Variants in ZNF385D observed in about 807,000 individuals in gnomAD.
ZNF385D encodes zinc finger protein 659.
In ZNF385D, 15 loss-of-function variants were observed where a neutral mutation model predicts 35.8. That is an observed-to-expected ratio of 0.42 (90% CI 0.28 to 0.64). The LOEUF (loss-of-function observed/expected upper bound fraction) is 0.64, where lower values mean the gene tolerates loss of function less well. ZNF385D is among the 30% of genes least tolerant of loss of function. The probability of loss-of-function intolerance (pLI) is 0.23; values close to 1 mark genes in which losing one functional copy is unlikely to be tolerated. For missense variants in ZNF385D, 474 were observed against 494.6 expected (o/e 0.96, Z 0.39); for synonymous variants, 212 against 186.8 (o/e 1.13, Z -1.10).
At chr3:22,249,770 C>T (rs1249516619) in intron 2 of ZNF385D, among the ~76,000 whole-genome samples, 3 of 152,150 alleles carry the variant, frequency 2.0e-5, no homozygotes, top group Non-Finnish European at 2.9e-5. Flanking sequence ...CAACTTCTAA[C>T]TGTTGAAAGC....
intron 1 of ZNF385D, among the ~76,000 whole-genome samples, chr3:21,673,521 T>C (rs1170404799): frequency 1.3e-5 from 2 of 152,082 alleles, no homozygotes; most frequent in African/African-American, 2.4e-5. Flanking sequence ...ACTTTTCAGA[T>C]TGAGGAGAAG....
At chr3:21,586,602 A>AGTT (rs2063817933) in intron 2 of ZNF385D, among the ~76,000 whole-genome samples, 1 of 152,144 alleles carries the variant, frequency 6.6e-6, no homozygotes, top group Non-Finnish European at 1.5e-5. Context: ...AGTTTGATAA[A>AGTT]GTTGTAAGGA....
In ZNF385D at chr3:21,988,491, G is replaced by A. The variant is rs918905098; in HGVS notation, c.325+180326C>T. 1.2e-4 allele frequency among the ~76,000 whole-genome samples: 17 copies of A among 141,938 alleles called. No homozygotes were observed. The South Asian group carries it at 1.6e-3, about 13-fold the overall frequency. The allele number at this position is 141,938 out of a possible 152,430, so 93.1% of individuals were successfully genotyped here. A position where few individuals can be genotyped will look rare whatever the true frequency, so the allele number is the denominator to read the frequency against. On this transcript the variant is annotated intron_variant, in intron 3 of 5. Transcript: ENST00000494108. The stretch of plus-strand genomic sequence containing the variant: ...CCAGTTAGGCTGCTCGGGGGTCAGG[G>A]GTCAGGGACCCACTTGAGGAGGCAG...
chr3:22,120,167 A>G (rs1270095418), intron 3 of ZNF385D, among the ~76,000 whole-genome samples: 2 of 151,914 alleles, frequency 1.3e-5, no homozygotes, highest in Non-Finnish European at 2.9e-5. Context: ...ATGAAGGTAG[A>G]GTGCCTTAGT....
intron 1 of ZNF385D, among the ~76,000 whole-genome samples, chr3:21,665,755 C>A (rs1282912704): frequency 1.3e-5 from 2 of 152,114 alleles, no homozygotes; most frequent in African/African-American, 4.8e-5. Flanking sequence ...AGTAGCCAGC[C>A]TTTTGCAAGA....
intron 4 of ZNF385D, among the ~76,000 whole-genome samples, chr3:21,446,356 C>A (rs1053714090): frequency 6.6e-6 from 1 of 151,994 alleles, no homozygotes; most frequent in Non-Finnish European, 1.5e-5. Context: ...GGAGTTCCTG[C>A]GACATGGGAC....
chr3:21,946,027 T>C (rs1335964391), intron 3 of ZNF385D, among the ~76,000 whole-genome samples: 2 of 152,196 alleles, frequency 1.3e-5, no homozygotes, highest in Admixed American at 1.3e-4. Flanking sequence ...AGTGTGCATA[T>C]TCACATGGCA....
At chr3:21,748,756 A>G (rs2069906849) in intron 1 of ZNF385D, among the ~76,000 whole-genome samples, 1 of 152,196 alleles carries the variant, frequency 6.6e-6, no homozygotes, top group Non-Finnish European at 1.5e-5. Context: ...AATTTTGAAC[A>G]CGCACACACA....
At chr3:22,117,665 G>A (rs978974359) in intron 3 of ZNF385D, among the ~76,000 whole-genome samples, 5 of 151,276 alleles carry the variant, frequency 3.3e-5, no homozygotes, top group Admixed American at 2.0e-4. Context: ...TAAACTTAAT[G>A]GTTACAAATT....
intron 2 of ZNF385D, among the ~76,000 whole-genome samples, chr3:22,213,073 C>T (rs1344768907): frequency 6.6e-6 from 1 of 151,930 alleles, no homozygotes; most frequent in Non-Finnish European, 1.5e-5. Flanking sequence ...AAGTCACATT[C>T]AGTTTATAAA....
intron 3 of ZNF385D, among the ~76,000 whole-genome samples, chr3:22,098,521 C>G (rs1232809724): frequency 2.0e-5 from 3 of 152,036 alleles, no homozygotes; most frequent in Non-Finnish European, 2.9e-5. Context: ...CTTAACTACT[C>G]TCTAGCTGTC....
At chr3:22,211,588 C>A (rs1256068082) in intron 2 of ZNF385D, among the ~76,000 whole-genome samples, 1 of 151,944 alleles carries the variant, frequency 6.6e-6, no homozygotes, top group African/African-American at 2.4e-5. Context: ...ATGTGTTCTT[C>A]CTGTATGTGT....
chr3:21,937,666 T>C (rs1701325324), intron 3 of ZNF385D, among the ~76,000 whole-genome samples: 1 of 150,862 alleles, frequency 6.6e-6, no homozygotes, highest in Admixed American at 6.6e-5. Context: ...TGACGTTATT[T>C]TCATGAAATT....
At chr3:22,104,865 G>C (rs568306439) in intron 3 of ZNF385D, among the ~76,000 whole-genome samples, 1 of 152,130 alleles carries the variant, frequency 6.6e-6, no homozygotes, top group Non-Finnish European at 1.5e-5. Flanking sequence ...ACTAAAAGCA[G>C]ATTTTCTCCA....
chr3:21,743,590 C>A (rs1352935249), intron 1 of ZNF385D, among the ~76,000 whole-genome samples: 1 of 152,196 alleles, frequency 6.6e-6, no homozygotes. Context: ...CTTGCTACAG[C>A]CTCAAATGGT....
At chr3:21,716,817 G>C (rs1282345909) in intron 1 of ZNF385D, among the ~76,000 whole-genome samples, 2 of 151,800 alleles carry the variant, frequency 1.3e-5, no homozygotes, top group East Asian at 3.9e-4. Flanking sequence ...TCATTGCTCT[G>C]CCCTCAGCGC....
chr3:22,227,927 C>T (rs530708649), intron 2 of ZNF385D, among the ~76,000 whole-genome samples: 2 of 152,316 alleles, frequency 1.3e-5, no homozygotes, highest in African/African-American at 4.8e-5. Context: ...TGGTGCTGTA[C>T]ACTGCCACTT....
chr3:21,958,162 C>A (rs368874367), intron 3 of ZNF385D, among the ~76,000 whole-genome samples: 179 of 152,218 alleles, frequency 1.2e-3, no homozygotes, highest in African/African-American at 4.1e-3. Context: ...TGTAACTAAG[C>A]CTTGTAGATC....
At chr3:22,150,939 G>A (rs1356291089) in intron 3 of ZNF385D, among the ~76,000 whole-genome samples, 1 of 152,154 alleles carries the variant, frequency 6.6e-6, no homozygotes, top group Non-Finnish European at 1.5e-5. Flanking sequence ...CATTCTGGGA[G>A]TGTTGAAAAG....
Sources: gnomAD v4.1 joint callset for allele counts (sites outside exome capture counted in the v4.1 genomes callset) on GRCh38, gnomAD v4.1.1 for gene constraint, MANE v1.5 for transcripts, NCBI Gene and HGNC (gene_info 2026-07-23, HGNC 2026-07-21) for gene names.